The following PTPRU variants were observed in gnomAD, a reference collection of about 807,000 sequenced individuals.
PTPRU encodes the protein receptor-type tyrosine-protein phosphatase U.
PTPRU carries 69 observed loss-of-function variants against 166.3 expected under a neutral mutation model. The observed-to-expected ratio is 0.41, with a 90% CI of 0.34 to 0.51. The LOEUF (loss-of-function observed/expected upper bound fraction) is 0.51. Ranked by LOEUF, PTPRU falls within the 20% of genes least tolerant of loss-of-function variation. The pLI is 0.09. For synonymous variants in PTPRU, 793 were observed against 814.0 expected (o/e 0.97, Z 0.44); for missense variants, 1,657 against 2,013.7 (o/e 0.82, Z 3.39).
intron 14 of PTPRU, chr1:29,289,738 G>A: frequency 3.7e-6 from 6 of 1,612,812 alleles, no homozygotes; most frequent in Non-Finnish European, 5.1e-6. Flanking sequence ...TTGCCTGGGA[G>A]TCCCCGGCCC....
intron 8 of PTPRU, among the ~76,000 whole-genome samples, chr1:29,276,410 G>A (rs753862708): frequency 6.6e-6 from 1 of 152,180 alleles, no homozygotes; most frequent in Non-Finnish European, 1.5e-5. Flanking sequence ...CGACCTCCCA[G>A]GCTCAAATGA....
chr1:29,325,585 C>G lies in PTPRU; in HGVS notation c.4249-14C>G. 1.2e-6 allele frequency: 2 copies of G among 1,605,462 alleles called. No homozygotes were observed. The highest frequency in any genetic ancestry group is 1.7e-6 in the Non-Finnish European group (2 of 1,172,080). ...GTCAGGCTCATGATTCCCTCCCTCT[C>G]TTCCTCTCCCCAGGATCAGTACCAC... On this transcript the variant is annotated splice_polypyrimidine_tract_variant and intron_variant, in intron 29 of 29. Coordinates refer to ENST00000373779, the MANE Select transcript of PTPRU (RefSeq NM_133178.4).
intron 18 of PTPRU, chr1:29,307,122 C>T: frequency 6.2e-7 from 1 of 1,613,428 alleles, no homozygotes; most frequent in Non-Finnish European, 8.5e-7. Context: ...TCACTGGAAT[C>T]ATTAAGATTC....
chr1:29,246,116 G>A (rs1443548758), intron 1 of PTPRU, among the ~76,000 whole-genome samples: 2 of 152,248 alleles, frequency 1.3e-5, no homozygotes, highest in Admixed American at 1.3e-4. Flanking sequence ...GCATTCCACA[G>A]TTGCATTGTA....
intron 25 of PTPRU, among the ~76,000 whole-genome samples, chr1:29,318,884 C>T (rs1043348044): frequency 5.3e-5 from 8 of 152,312 alleles, no homozygotes; most frequent in Middle Eastern, 3.4e-3. Context: ...CGTCTCTCCA[C>T]GCGGAAATGA....
intron 1 of PTPRU, among the ~76,000 whole-genome samples, chr1:29,249,412 T>C (rs748425116): frequency 6.6e-6 from 1 of 152,250 alleles, no homozygotes; most frequent in African/African-American, 2.4e-5. Flanking sequence ...GGAATGTAGC[T>C]GGGCCAGTTT....
intron 15 of PTPRU, among the ~76,000 whole-genome samples, chr1:29,297,985 C>G (rs539848093): frequency 6.6e-6 from 1 of 152,110 alleles, no homozygotes; most frequent in East Asian, 1.9e-4. Context: ...GTGCTAGGCG[C>G]GGTGGCTCAC....
At chr1:29,277,186 C>T (rs1278380527) in intron 8 of PTPRU, among the ~76,000 whole-genome samples, 1 of 152,074 alleles carries the variant, frequency 6.6e-6, no homozygotes, top group African/African-American at 2.4e-5. Context: ...CTGCAAACTC[C>T]GCCTTCTGGG....
intron 7 of PTPRU, among the ~76,000 whole-genome samples, chr1:29,265,203 C>T (rs562170208): frequency 1.3e-5 from 2 of 152,318 alleles, no homozygotes; most frequent in South Asian, 2.1e-4. Context: ...GTTTTATACT[C>T]TCACCAACAA....
chr1:29,280,197 C>G lies in PTPRU; in HGVS notation c.1868+56C>G. The G allele has an allele frequency of 6.7e-7, 1 of 1,491,858 alleles. No individual in the cohort carries two copies. The allele number at this position is 1,491,858 out of a possible 1,614,324, so 92.4% of individuals were successfully genotyped here. A position where few individuals can be genotyped will look rare whatever the true frequency, so the allele number is the denominator to read the frequency against. ...CCAGGGCCTTAGGAAAGAGGCCCCT[C>G]CTCTGACCCAGAGCCCCATCCCAGG... On this transcript the variant is annotated intron_variant, in intron 11 of 29. Coordinates refer to ENST00000373779, the MANE Select transcript of PTPRU (RefSeq NM_133178.4). This position sits in a 1 kb window ranked among gnomAD's most constrained non-coding sequence, Gnocchi z 4.2.
intron 7 of PTPRU, among the ~76,000 whole-genome samples, chr1:29,268,043 A>C (rs369693082): frequency 4.4e-4 from 67 of 152,344 alleles, no homozygotes; most frequent in African/African-American, 1.5e-3. Context: ...TTGCTAGAGC[A>C]GCAGGAATGA....
chr1:29,291,828 C>G lies in PTPRU; in HGVS notation c.2319-41C>G. 1.2e-6 allele frequency: 2 copies of G among 1,606,110 alleles called. No homozygotes were observed. The highest frequency in any genetic ancestry group is 1.7e-6 in the Non-Finnish European group (2 of 1,175,366). On this transcript the variant is annotated intron_variant, in intron 14 of 29. Coordinates refer to ENST00000373779, the MANE Select transcript of PTPRU (RefSeq NM_133178.4). This position sits in a 1 kb window ranked among gnomAD's most constrained non-coding sequence, Gnocchi z 4.1. ...CAGCCACCTCTGGGTGCTGTCCAGC[C>G]CCACACAATGCCTGTGTCTCCCCTC...
At position 29,311,254 on chromosome 1, in the gene PTPRU, C is replaced by G. The variant is rs896721986; in HGVS notation, c.2858-202C>G. The G allele has an allele frequency of 3.3e-6, 2 of 606,152 alleles. No homozygotes were observed. Among genetic ancestry groups the G allele is most frequent in the South Asian group, 4.0e-5 (2 of 50,490 alleles). 37.5% of individuals were successfully genotyped at this position (606,152 alleles called of 1,614,324 possible). A position where few individuals can be genotyped will look rare whatever the true frequency, so the allele number is the denominator to read the frequency against. On this transcript the variant is annotated intron_variant, in intron 19 of 29. Transcript: ENST00000373779. The surrounding 1 kb of genome is among the most constrained non-coding windows in gnomAD (Gnocchi z 4.1). ...ATTCAGGATGAGCGGGCTCTTTAGC[C>G]AGGCCCTCTCCTGATGCTACCCAAC... is the stretch of plus-strand genomic sequence containing the variant.
At position 29,317,350 on chromosome 1, in the gene PTPRU, C is replaced by A. The variant is rs993547119; in HGVS notation, c.3514-398C>A. Among the ~76,000 whole-genome samples the A allele has an allele frequency of 6.6e-6, 1 of 152,124 alleles. No individual in the cohort carries two copies. The highest frequency in any genetic ancestry group is 1.5e-5 in the Non-Finnish European group (1 of 68,018). On this transcript the variant is annotated intron_variant, in intron 24 of 29. Coordinates refer to ENST00000373779, the MANE Select transcript of PTPRU (RefSeq NM_133178.4). This position sits in a 1 kb window ranked among gnomAD's most constrained non-coding sequence, Gnocchi z 5.6. ...GTTTCAGGGGTTGCCTCAGTGAAGG[C>A]ACTGGTCAGCTAGTAAAGTTCCTCA...
chr1:29,275,826 A>G (rs1685780662), intron 8 of PTPRU, 70 bp downstream of exon 8: 9 of 1,511,340 alleles, frequency 6.0e-6, no homozygotes, highest in Non-Finnish European at 8.1e-6. Context: ...TGAGACTGAA[A>G]TTTACTGAGG....
At chr1:29,304,076 C>G in intron 16 of PTPRU, 31 bp downstream of exon 16, 1 of 1,584,362 alleles carries the variant, frequency 6.3e-7, no homozygotes, top group Non-Finnish European at 8.6e-7. Context: ...AGCAGGATCC[C>G]TGCAGAGGCC....
intron 7 of PTPRU, among the ~76,000 whole-genome samples, chr1:29,272,605 A>C (rs1206004758): frequency 6.6e-6 from 1 of 152,110 alleles, no homozygotes; most frequent in African/African-American, 2.4e-5. Flanking sequence ...CAAATTAATC[A>C]CATAAAAAAT....
chr1:29,258,888 A>G (rs1226255392), intron 3 of PTPRU, 112 bp downstream of exon 3: 6 of 1,432,780 alleles, frequency 4.2e-6, no homozygotes, highest in African/African-American at 2.9e-5. Flanking sequence ...TGCATTCAGT[A>G]TCAGAGGCAA....
intron 7 of PTPRU, among the ~76,000 whole-genome samples, chr1:29,264,678 A>G (rs1280889045): frequency 6.6e-6 from 1 of 151,756 alleles, no homozygotes; most frequent in East Asian, 1.9e-4. Context: ...GCTAATTTTT[A>G]TATTTTTGGT....
Sources: gnomAD v4.1 joint callset for allele counts (sites outside exome capture counted in the v4.1 genomes callset) on GRCh38, gnomAD v4.1.1 for gene constraint, Gnocchi (gnomAD v3.1) non-coding constraint, MANE v1.5 for transcripts, NCBI Gene and HGNC (gene_info 2026-07-23, HGNC 2026-07-21) for gene names.